Variants in ERV3-1 observed in about 807,000 individuals in gnomAD.
ERV3-1 encodes endogenous retrovirus group 3 member 1, envelope.
ERV3-1 carries 36 observed loss-of-function variants against 24.6 expected under a neutral mutation model. That is an observed-to-expected ratio of 1.47 (90% confidence interval 1.12 to 1.94). The LOEUF (loss-of-function observed/expected upper bound fraction) is 1.94, where lower values mean the gene tolerates loss of function less well. Among genes scored for constraint, ERV3-1 ranks in the 30% most tolerant of loss-of-function variants. The probability of loss-of-function intolerance (pLI) is 0.00; values close to 1 mark genes in which losing one functional copy is unlikely to be tolerated. For missense variants in ERV3-1, 578 were observed against 330.9 expected, an observed-to-expected ratio of 1.75 and a Z score of -5.79; for synonymous variants, 211 against 122.6, an observed-to-expected ratio of 1.72 and a Z score of -4.76.
At chr7:64,994,576 C>T (rs1786360882) in intron 1 of ERV3-1, among the ~76,000 whole-genome samples, 1 of 152,222 alleles carries the variant, frequency 6.6e-6, no homozygotes, top group African/African-American at 2.4e-5. Context: ...TCTGACGTCC[C>T]TGCCCTCTGG....
At chr7:64,995,828 G>T (rs967833210) in intron 1 of ERV3-1, among the ~76,000 whole-genome samples, 1 of 152,226 alleles carries the variant, frequency 6.6e-6, no homozygotes, top group South Asian at 2.1e-4. Context: ...CCAAAAGAAG[G>T]TTGTCTATGT....
At chr7:64,996,272 G>A (rs1786407304) in intron 1 of ERV3-1, among the ~76,000 whole-genome samples, 1 of 152,160 alleles carries the variant, frequency 6.6e-6, no homozygotes, top group African/African-American at 2.4e-5. Context: ...CATGGTCACA[G>A]AGCCACTTTA....
intron 1 of ERV3-1, among the ~76,000 whole-genome samples, chr7:64,997,025 T>A: frequency 6.6e-6 from 1 of 152,244 alleles, no homozygotes; most frequent in East Asian, 1.9e-4. Flanking sequence ...ATTTTCTTCA[T>A]TGCCCTCTGG....
intron 1 of ERV3-1, among the ~76,000 whole-genome samples, chr7:64,995,180 C>T (rs868016397): frequency 2.0e-5 from 3 of 152,212 alleles, no homozygotes; most frequent in Non-Finnish European, 4.4e-5. Flanking sequence ...AAAGTTATAA[C>T]CGCATGTGGT....
chr7:64,998,275 C>T (rs1169447196), intron 1 of ERV3-1, among the ~76,000 whole-genome samples: 1 of 152,094 alleles, frequency 6.6e-6, no homozygotes, highest in Non-Finnish European at 1.5e-5. Context: ...GAGCTATGAG[C>T]GTTTTGCAAT....
At chr7:65,006,287 G>T in intron 1 of ERV3-1, 1 of 583,234 alleles carries the variant, frequency 1.7e-6, no homozygotes, top group African/African-American at 1.9e-5. Context: ...TGGGGGCAGA[G>T]CTGCCCACAG....
At chr7:64,998,067 G>A (rs1484112920) in intron 1 of ERV3-1, among the ~76,000 whole-genome samples, 1 of 152,116 alleles carries the variant, frequency 6.6e-6, no homozygotes, top group East Asian at 1.9e-4. Flanking sequence ...CCCCTTTGAG[G>A]TGTAGCCTGG....
In ERV3-1 at chr7:65,006,623, C is replaced by T; in HGVS notation, c.-471G>A. The T allele has an allele frequency of 2.6e-6, 4 of 1,548,832 alleles. No homozygotes were observed. Among genetic ancestry groups the T allele is most frequent in the Middle Eastern group, 1.7e-4 (1 of 5,898 alleles). ...AGGTAACGAGGCCACAGAAGCTGGG[C>T]CTCTAGGAGCAGAAGACACAGAGCA... On this transcript the variant is annotated 5_prime_UTR_variant, in exon 1 of 2. Coordinates refer to ENST00000394323, the MANE Select transcript of ERV3-1 (RefSeq NM_001007253.4).
chr7:64,994,107 T>C (rs1191833763), intron 1 of ERV3-1, among the ~76,000 whole-genome samples: 1 of 152,174 alleles, frequency 6.6e-6, no homozygotes, highest in Non-Finnish European at 1.5e-5. Flanking sequence ...CTGAGGCAAC[T>C]CTGTAAGTCC....
Position 64,991,182 on chromosome 7 carries a change from G to A in ERV3-1, c.*30C>T. On this transcript the variant is annotated 3_prime_UTR_variant, in exon 2 of 2. Transcript: ENST00000394323. ...AGGTTTTAAATCCTCCAAGGGATGA[G>A]AACCAACCTCTGAAAAGGGAATCTG... 1 of 713,444 alleles carries A rather than the reference G, an allele frequency of 1.4e-6. No homozygotes were observed. 44.2% of individuals were successfully genotyped at this position (713,444 alleles called of 1,614,324 possible).
intron 1 of ERV3-1, chr7:65,004,083 G>A (rs1050494206): frequency 4.6e-5 from 7 of 152,176 alleles, no homozygotes; most frequent in Non-Finnish European, 8.8e-5. Context: ...TGGGCGCGGT[G>A]GCTCACGCCT....
rs202056005 is a variant in ERV3-1 at position 64,991,920 on chromosome 7, G to A, written c.1107C>T (p.Asn369=). The stretch of plus-strand genomic sequence containing the variant: ...TCCATAAAGTCTTTCCTAGTGTCTC[G>A]TTGTAATATTGTTGTCCTAGGCAAG... ...ELTCLGQQYY[N]ETLGKTLWRG... Residue 369 remains asparagine (N), a synonymous_variant, in exon 2 of 2, where the codon AAC becomes AAT. Coordinates refer to ENST00000394323, the MANE Select transcript of ERV3-1 (RefSeq NM_001007253.4). 1.2e-4 allele frequency: 94 copies of A among 766,348 alleles called. No individual in the cohort carries two copies. The highest frequency in any genetic ancestry group is 6.2e-4 in the African/African-American group (37 of 59,204). 47.5% of individuals were successfully genotyped at this position (766,348 alleles called of 1,614,324 possible). A position where few individuals can be genotyped will look rare whatever the true frequency, so the allele number is the denominator to read the frequency against.
chr7:64,991,084 T>C lies in ERV3-1; in HGVS notation c.*128A>G. On this transcript the variant is annotated 3_prime_UTR_variant, in exon 2 of 2. Coordinates refer to ENST00000394323, the MANE Select transcript of ERV3-1 (RefSeq NM_001007253.4). ...AAGAGCCTCTATGGCTGTTTGGATA[T>C]TTTTGACAATGAGGGGTAAGAGACA... The C allele has an allele frequency of 3.4e-6, 2 of 590,804 alleles. No homozygotes were observed. Among genetic ancestry groups the C allele is most frequent in the South Asian group, 2.2e-5 (1 of 45,002 alleles). 36.6% of individuals were successfully genotyped at this position (590,804 alleles called of 1,614,324 possible). A position where few individuals can be genotyped will look rare whatever the true frequency, so the allele number is the denominator to read the frequency against.
intron 1 of ERV3-1, among the ~76,000 whole-genome samples, chr7:64,995,827 G>C (rs1584064092): frequency 1.3e-5 from 2 of 152,246 alleles, no homozygotes; most frequent in African/African-American, 4.8e-5. Context: ...GCCAAAAGAA[G>C]GTTGTCTATG....
chr7:64,992,634 T>C lies in ERV3-1; in HGVS notation c.393A>G (p.Ser131=), dbSNP rs759687457. The C allele has an allele frequency of 5.2e-6, 4 of 765,900 alleles. No homozygotes were observed. The highest frequency in any genetic ancestry group is 1.7e-5 in the African/African-American group (1 of 58,974). The allele number at this position is 765,900 out of a possible 1,614,324, so 47.4% of individuals were successfully genotyped here. The change falls in exon 2 of 2, where the codon TCA becomes TCG. Residue 131 remains serine (S), a synonymous_variant. Transcript: ENST00000394323. ...FDVCQIVSMG[S]LFPVIFSSME... ...TGGAACTGAAGATTACGGGAAAGAG[T>C]GAGCCCATGGATACTATCTGGCAAA...
rs1327856704 is a variant in ERV3-1, at chr7:64,992,790, A to G, written c.237T>C (p.Tyr79=). The G allele has an allele frequency of 3.9e-6, 3 of 766,456 alleles. No individual in the cohort carries two copies. Among genetic ancestry groups the G allele is most frequent in the Non-Finnish European group, 4.8e-6 (2 of 417,912 alleles). 47.5% of individuals were successfully genotyped at this position (766,456 alleles called of 1,614,324 possible). A position where few individuals can be genotyped will look rare whatever the true frequency, so the allele number is the denominator to read the frequency against. Residue 79 remains tyrosine (Y), a synonymous_variant, in exon 2 of 2, where the codon TAT becomes TAC. Transcript: ENST00000394323. Reference sequence around the variant, plus strand: ...GTGAAGACTTAGGGTCATAACACACATAAGGCTGGCCCCTTCCTGGGTCAC... The same window carrying G: ...GTGAAGACTTAGGGTCATAACACACGTAAGGCTGGCCCCTTCCTGGGTCAC... ...SVCDPGRGQP[Y]VCYDPKSSPG...
chr7:65,006,553 T>C lies in ERV3-1; in HGVS notation c.-401A>G. ...CCGGCACTCTCACCATTTCTAGGCT[T>C]CCAGTGGGTCCTGGCGTCTTAGCTG... On this transcript the variant is annotated 5_prime_UTR_variant, in exon 1 of 2. Transcript: ENST00000394323. 1 of 1,576,330 alleles carries C rather than the reference T, an allele frequency of 6.3e-7. No homozygotes were observed. Among genetic ancestry groups the C allele is most frequent in the Non-Finnish European group, 8.7e-7 (1 of 1,147,394 alleles).
intron 1 of ERV3-1, among the ~76,000 whole-genome samples, chr7:64,995,202 C>T (rs1786380813): frequency 6.6e-6 from 1 of 152,190 alleles, no homozygotes; most frequent in South Asian, 2.1e-4. Flanking sequence ...CCTGGATGGT[C>T]AATTGTTGCC....
intron 1 of ERV3-1, among the ~76,000 whole-genome samples, chr7:64,996,611 A>C (rs980654868): frequency 6.6e-6 from 1 of 152,166 alleles, no homozygotes; most frequent in African/African-American, 2.4e-5. Flanking sequence ...CTGTGCATGC[A>C]ATTTTTGGAG....
Sources: gnomAD v4.1 joint callset for allele counts (sites outside exome capture counted in the v4.1 genomes callset) on GRCh38, gnomAD v4.1.1 for gene constraint, MANE v1.5 for transcripts, NCBI Gene and HGNC (gene_info 2026-07-23, HGNC 2026-07-21) for gene names.